Variants in NRXN3 observed in about 807,000 individuals in gnomAD.
NRXN3 encodes the protein neurexin III.
A neutral mutation model predicts 137.6 loss-of-function variants in NRXN3; 32 were observed. That is an observed-to-expected ratio of 0.23 (90% confidence interval 0.18 to 0.31). NRXN3 has a LOEUF of 0.31. NRXN3 is among the 10% of genes least tolerant of loss of function. The probability of loss-of-function intolerance (pLI) is 1.00; values close to 1 mark genes in which losing one functional copy is unlikely to be tolerated. For missense variants in NRXN3, 1,574 were observed against 2,062.5 expected, an observed-to-expected ratio of 0.76 and a Z score of 4.59; for synonymous variants, 798 against 784.5, an observed-to-expected ratio of 1.02 and a Z score of -0.29.
intron 15 of NRXN3, among the ~76,000 whole-genome samples, chr14:79,315,516 C>T (rs2088395294): frequency 6.6e-6 from 1 of 152,136 alleles, no homozygotes; most frequent in Non-Finnish European, 1.5e-5. Flanking sequence ...TTCCAAAGCT[C>T]ACCAGGAGAA....
At chr14:78,624,792 C>T (rs1777730753) in intron 4 of NRXN3, among the ~76,000 whole-genome samples, 1 of 151,336 alleles carries the variant, frequency 6.6e-6, no homozygotes, top group African/African-American at 2.4e-5. Context: ...CTACTGACCC[C>T]TTGACTTCCT....
At chr14:78,952,278 A>AAAAAC (rs1170548632) in intron 10 of NRXN3, among the ~76,000 whole-genome samples, 3 of 152,176 alleles carry the variant, frequency 2.0e-5, no homozygotes, top group Non-Finnish European at 4.4e-5. Context: ...CTAAGTTTGT[A>AAAAAC]AAAACAAAAC....
chr14:79,509,971 A>G (rs530342937), intron 16 of NRXN3, among the ~76,000 whole-genome samples: 4 of 152,318 alleles, frequency 2.6e-5, no homozygotes, highest in Admixed American at 6.5e-5. Context: ...GATCAAGGGT[A>G]GATCTCAACC....
At chr14:79,432,980 C>A (rs903120387) in intron 15 of NRXN3, among the ~76,000 whole-genome samples, 2 of 152,148 alleles carry the variant, frequency 1.3e-5, no homozygotes, top group East Asian at 1.9e-4. Context: ...TTTTGCTATT[C>A]ACTTTCATCT....
intron 10 of NRXN3, among the ~76,000 whole-genome samples, chr14:78,949,519 G>T (rs1479239475): frequency 2.0e-5 from 3 of 151,450 alleles, no homozygotes; most frequent in African/African-American, 7.3e-5. Flanking sequence ...ACACCCTCTT[G>T]GTGCAATGTG....
chr14:78,942,839 ATATAT>A (rs889878567), intron 10 of NRXN3, among the ~76,000 whole-genome samples: 3 of 152,220 alleles, frequency 2.0e-5, no homozygotes, highest in Non-Finnish European at 4.4e-5. Context: ...TCTGATCAAT[ATATAT>A]TATATGTATC....
intron 4 of NRXN3, among the ~76,000 whole-genome samples, chr14:78,438,650 C>T (rs946932262): frequency 6.6e-6 from 1 of 152,064 alleles, no homozygotes; most frequent in Non-Finnish European, 1.5e-5. Flanking sequence ...TGGGTCTGAC[C>T]CTATTGAGAG....
Position 78,263,839 on chromosome 14 carries a change from A to G in NRXN3, c.710-14806A>G, listed in dbSNP as rs190811287. 1.2e-4 allele frequency among the ~76,000 whole-genome samples: 18 copies of G among 150,122 alleles called. 1 individual carries two copies. The highest frequency in any genetic ancestry group is 4.4e-4 in the African/African-American group (18 of 40,558). On this transcript the variant is annotated intron_variant, in intron 2 of 20. Coordinates refer to ENST00000335750, the MANE Select transcript of NRXN3 (RefSeq NM_001330195.2). ...AATTTTTTAGTTAATAACAAATTTC[A>G]CCATGCGCATTTTTAGCTGCTGTCA...
chr14:78,740,481 GTCC>G (rs995760679), intron 8 of NRXN3, among the ~76,000 whole-genome samples: 2 of 149,226 alleles, frequency 1.3e-5, no homozygotes, highest in Non-Finnish European at 3.0e-5. Context: ...GTTCACCACT[GTCC>G]TCACTTTCAA....
intron 15 of NRXN3, among the ~76,000 whole-genome samples, chr14:79,436,070 A>C (rs2095841997): frequency 6.6e-6 from 1 of 152,150 alleles, no homozygotes; most frequent in Admixed American, 6.5e-5. Flanking sequence ...CATGTGTCTA[A>C]TATAACCTAT....
chr14:78,437,410 A>T (rs920761697), intron 4 of NRXN3, among the ~76,000 whole-genome samples: 29 of 150,282 alleles, frequency 1.9e-4, no homozygotes, highest in African/African-American at 7.1e-4. Context: ...GTGCAGTGGC[A>T]TGATCTCAGC....
chr14:79,351,911 C>G (rs1242563974), intron 15 of NRXN3, among the ~76,000 whole-genome samples: 1 of 152,150 alleles, frequency 6.6e-6, no homozygotes, highest in East Asian at 1.9e-4. Context: ...TGCATGCAGA[C>G]TTTCACCCCC....
At chr14:79,714,028 T>C (rs981160940) in intron 19 of NRXN3, among the ~76,000 whole-genome samples, 1 of 152,166 alleles carries the variant, frequency 6.6e-6, no homozygotes, top group Non-Finnish European at 1.5e-5. Context: ...TTTATCACCA[T>C]AATATATTTA....
At chr14:78,419,494 C>T (rs555883454) in intron 4 of NRXN3, among the ~76,000 whole-genome samples, 32 of 152,266 alleles carry the variant, frequency 2.1e-4, no homozygotes, top group Admixed American at 1.0e-3. Flanking sequence ...CATGAGCCAC[C>T]ATGCCTGGCC....
intron 6 of NRXN3, among the ~76,000 whole-genome samples, chr14:78,686,479 C>T (rs954315033): frequency 1.3e-5 from 2 of 152,262 alleles, no homozygotes; most frequent in Non-Finnish European, 1.5e-5. Context: ...GAAAAGAAGA[C>T]GCCTCCTGGA....
chr14:79,613,470 A>T (rs1439600333), intron 16 of NRXN3, among the ~76,000 whole-genome samples: 3 of 152,176 alleles, frequency 2.0e-5, no homozygotes, highest in African/African-American at 7.2e-5. Flanking sequence ...AGCTCCTCAG[A>T]CCCTGTCCTT....
chr14:79,199,270 T>C (rs1239486248), intron 15 of NRXN3, among the ~76,000 whole-genome samples: 3 of 152,228 alleles, frequency 2.0e-5, no homozygotes, highest in Non-Finnish European at 2.9e-5. Flanking sequence ...TCTCTCTATT[T>C]TTACCTTATT....
In NRXN3 at chr14:79,460,859, A is replaced by G. The variant is rs75481529; in HGVS notation, c.3263-6362A>G. On this transcript the variant is annotated intron_variant, in intron 15 of 20. Transcript: ENST00000335750. ...AATCTGCTCATTTCTTTGCCAAGGA[A>G]AAAGAATGTTCTTAAAAATAGATGA... Among the ~76,000 whole-genome samples the G allele has an allele frequency of 4.7e-3, 721 of 152,306 alleles. 7 individuals carry two copies. Among genetic ancestry groups the G allele is most frequent in the African/African-American group, 0.017 (699 of 41,566 alleles).
At chr14:79,448,378 C>T (rs1406298410) in intron 15 of NRXN3, among the ~76,000 whole-genome samples, 1 of 152,140 alleles carries the variant, frequency 6.6e-6, no homozygotes, top group Non-Finnish European at 1.5e-5. Context: ...AATTCCCAGA[C>T]ATTATGTTAT....
Sources: allele counts gnomAD v4.1 joint callset (sites outside exome capture counted in the v4.1 genomes callset), GRCh38; gene constraint gnomAD v4.1.1; transcripts MANE v1.5; gene names NCBI Gene and HGNC (gene_info 2026-07-23, HGNC 2026-07-21).